STYX: variants seen among roughly 807,000 people sequenced by gnomAD.
STYX encodes the protein serine/threonine/tyrosine interacting protein.
A neutral mutation model predicts 42.7 loss-of-function variants in STYX; 20 were observed. The observed-to-expected ratio is 0.47, with a 90% confidence interval of 0.33 to 0.68. The LOEUF (loss-of-function observed/expected upper bound fraction) is 0.68. Ranked by LOEUF, STYX falls within the 30% of genes least tolerant of loss-of-function variation. The pLI is 0.02. For synonymous variants in STYX, 78 were observed against 81.9 expected (o/e 0.95, Z 0.26); for missense variants, 226 against 268.5 (o/e 0.84, Z 1.11).
Position 52,730,215 on chromosome 14 carries a change from G to C in STYX, c.-260G>C, listed in dbSNP as rs570888593. On this transcript the variant is annotated 5_prime_UTR_variant, in exon 1 of 11. Coordinates refer to ENST00000354586, the MANE Select transcript of STYX (RefSeq NM_145251.4). ...GGATCCTGGGCGGCCTGAGGGGTAC[G>C]GAGACTCTGGGGGAGGGAGACGGCA... 2 of 542,644 alleles carry C rather than the reference G, an allele frequency of 3.7e-6. No homozygotes were observed. The highest frequency in any genetic ancestry group is 4.5e-5 in the South Asian group (2 of 44,444). The allele number at this position is 542,644 out of a possible 1,614,324, so 33.6% of individuals were successfully genotyped here. A position where few individuals can be genotyped will look rare whatever the true frequency, so the allele number is the denominator to read the frequency against.
chr14:52,731,750 G>A (rs1369741244), intron 1 of STYX: 1 of 151,818 alleles, frequency 6.6e-6, no homozygotes, highest in Non-Finnish European at 1.5e-5. Context: ...TCACATTTTT[G>A]TTTGGAGGGC....
chr14:52,752,717 T>TAC (rs534010214), intron 4 of STYX, among the ~76,000 whole-genome samples: 98 of 152,138 alleles, frequency 6.4e-4, no homozygotes, highest in African/African-American at 2.1e-3. Context: ...AATATATATA[T>TAC]ACTACATTCC....
At chr14:52,751,558 C>A (rs1881612242) in intron 4 of STYX, among the ~76,000 whole-genome samples, 1 of 152,134 alleles carries the variant, frequency 6.6e-6, no homozygotes, top group Non-Finnish European at 1.5e-5. Context: ...GAGAGTGACT[C>A]TTCCCTTAGT....
intron 3 of STYX, among the ~76,000 whole-genome samples, chr14:52,747,162 A>G (rs1881426352): frequency 6.6e-6 from 1 of 152,230 alleles, no homozygotes; most frequent in Admixed American, 6.5e-5. Context: ...TACATAGTCA[A>G]ACTTTAATGG....
chr14:52,768,502 G>A (rs1407099938), intron 9 of STYX, among the ~76,000 whole-genome samples: 2 of 152,118 alleles, frequency 1.3e-5, no homozygotes, highest in African/African-American at 2.4e-5. Flanking sequence ...TCTATAACTG[G>A]AAGCAGAGGA....
chr14:52,756,408 T>C, intron 4 of STYX, 143 bp from the exon 5 acceptor site: 1 of 508,688 alleles, frequency 2.0e-6, no homozygotes, highest in South Asian at 3.0e-5. Flanking sequence ...ATGTAAAATC[T>C]ACCACACAGT....
chr14:52,730,654 CG>C, intron 1 of STYX, 123 bp downstream of exon 1: 1 of 1,076,858 alleles, frequency 9.3e-7, no homozygotes, highest in Non-Finnish European at 1.3e-6. Context: ...AAGGGCGTCC[CG>C]GGACCTCTGA....
At chr14:52,735,056 C>CAA (rs11409405) in intron 1 of STYX, among the ~76,000 whole-genome samples, 172 of 138,936 alleles carry the variant, frequency 1.2e-3, no homozygotes, top group South Asian at 4.5e-3. Context: ...GACTCCATCT[C>CAA]AAAAAAAAAA....
At chr14:52,731,373 A>G (rs992536146) in intron 1 of STYX, among the ~76,000 whole-genome samples, 12 of 151,782 alleles carry the variant, frequency 7.9e-5, no homozygotes, top group Non-Finnish European at 1.5e-4. Context: ...CCCTATTTTT[A>G]GGAGACCATT....
Position 52,773,345 on chromosome 14 carries a change from T to A in STYX, c.*2239T>A, listed in dbSNP as rs1451506099. 2.0e-5 allele frequency: 3 copies of A among 147,976 alleles called. No individual in the cohort carries two copies. The highest frequency in any genetic ancestry group is 4.5e-5 in the Non-Finnish European group (3 of 66,768). The allele number at this position is 147,976 out of a possible 1,614,324, so 9.2% of individuals were successfully genotyped here. A position where few individuals can be genotyped will look rare whatever the true frequency, so the allele number is the denominator to read the frequency against. On this transcript the variant is annotated 3_prime_UTR_variant, in exon 11 of 11. Coordinates refer to ENST00000354586, the MANE Select transcript of STYX (RefSeq NM_145251.4). ...TATATATATATAGATAGATAGATTT[T>A]TTTTTTTTTTTGAGACAGAGTCTCT...
At position 52,730,182 on chromosome 14, in the gene STYX, C is replaced by T. The variant is rs980115417; in HGVS notation, c.-293C>T. The T allele has an allele frequency of 4.9e-5, 23 of 465,270 alleles. No homozygotes were observed. The highest frequency in any genetic ancestry group is 3.5e-4 in the African/African-American group (17 of 49,068). 28.8% of individuals were successfully genotyped at this position (465,270 alleles called of 1,614,324 possible). A position where few individuals can be genotyped will look rare whatever the true frequency, so the allele number is the denominator to read the frequency against. ...CGGGGAGACGGTTGTCGGGCTGGTT[C>T]CTGTGCTGGATCCTGGGCGGCCTGA... On this transcript the variant is annotated 5_prime_UTR_variant, in exon 1 of 11. Transcript: ENST00000354586.
chr14:52,740,449 T>G (rs983387376), intron 1 of STYX, among the ~76,000 whole-genome samples: 1 of 152,238 alleles, frequency 6.6e-6, no homozygotes, highest in Non-Finnish European at 1.5e-5. Flanking sequence ...CATTCTTACA[T>G]TGAAAGACTG....
chr14:52,769,933 A>G (rs1042350177), intron 10 of STYX, among the ~76,000 whole-genome samples: 2 of 151,818 alleles, frequency 1.3e-5, no homozygotes, highest in Non-Finnish European at 2.9e-5. Context: ...TGCCCTTCTG[A>G]TTTTTTGGTT....
intron 9 of STYX, among the ~76,000 whole-genome samples, chr14:52,764,455 G>T (rs1882220042): frequency 6.6e-6 from 1 of 151,888 alleles, no homozygotes; most frequent in African/African-American, 2.4e-5. Context: ...ATTGAGTTTT[G>T]CTATTAGATT....
rs1201181875 is a variant in STYX at position 52,774,670 on chromosome 14, G to GCT, written c.*3572_*3573dup. 6.7e-6 allele frequency: 1 copy of GCT among 149,514 alleles called. No individual in the cohort carries two copies. The highest frequency in any genetic ancestry group is 1.5e-5 in the Non-Finnish European group (1 of 67,694). The allele number at this position is 149,514 out of a possible 1,614,324, so 9.3% of individuals were successfully genotyped here. On this transcript the variant is annotated 3_prime_UTR_variant, in exon 11 of 11. Coordinates refer to ENST00000354586, the MANE Select transcript of STYX (RefSeq NM_145251.4). ...TCAAAATATTCAGGTTTACATGTTA[G>GCT]CTCTCTCTCATAGGGAGCTGCCATA...
intron 9 of STYX, among the ~76,000 whole-genome samples, chr14:52,761,797 C>T (rs2139926745): frequency 6.6e-6 from 1 of 151,180 alleles, no homozygotes; most frequent in Admixed American, 6.6e-5. Context: ...GTAATCCCAA[C>T]ACTTTGGGAG....
chr14:52,752,810 A>C (rs1184578459), intron 4 of STYX, among the ~76,000 whole-genome samples: 3 of 151,764 alleles, frequency 2.0e-5, no homozygotes, highest in African/African-American at 7.2e-5. Flanking sequence ...TAAGAAGGAA[A>C]ATTCAGGGCC....
intron 3 of STYX, among the ~76,000 whole-genome samples, chr14:52,749,383 T>C (rs527602870): frequency 6.6e-6 from 1 of 152,324 alleles, no homozygotes; most frequent in South Asian, 2.1e-4. Flanking sequence ...ACTTTGCTCA[T>C]GAATTATTAG....
intron 3 of STYX, among the ~76,000 whole-genome samples, chr14:52,749,731 T>A (rs1248992656): frequency 6.6e-6 from 1 of 152,236 alleles, no homozygotes; most frequent in Non-Finnish European, 1.5e-5. Context: ...ATTTCTAGAA[T>A]TGTCATGTTA....
Sources: allele counts gnomAD v4.1 joint callset (sites outside exome capture counted in the v4.1 genomes callset), GRCh38; gene constraint gnomAD v4.1.1; transcripts MANE v1.5; gene names NCBI Gene and HGNC (gene_info 2026-07-23, HGNC 2026-07-21).